The following PTPRG variants were observed in gnomAD, a reference collection of about 807,000 sequenced individuals.
PTPRG encodes the protein receptor-type tyrosine-protein phosphatase gamma.
A neutral mutation model predicts 165.3 loss-of-function variants in PTPRG; 102 were observed. That is an observed-to-expected ratio of 0.62 (90% confidence interval 0.53 to 0.73). The LOEUF (loss-of-function observed/expected upper bound fraction) is 0.73, where lower values mean the gene tolerates loss of function less well. Ranked by LOEUF, PTPRG falls within the 30% of genes least tolerant of loss-of-function variation. PTPRG has a pLI of 0.00. For synonymous variants in PTPRG, 675 were observed against 669.5 expected, an observed-to-expected ratio of 1.01 and a Z score of -0.13; for missense variants, 1,866 against 1,861.4, an observed-to-expected ratio of 1.00 and a Z score of -0.05.
intron 1 of PTPRG, among the ~76,000 whole-genome samples, chr3:61,644,323 G>A (rs1344403975): frequency 1.3e-5 from 2 of 152,142 alleles, no homozygotes; most frequent in Admixed American, 1.3e-4. Flanking sequence ...CTTCCCATAA[G>A]TAAAAATTGC....
intron 2 of PTPRG, among the ~76,000 whole-genome samples, chr3:61,900,038 A>G (rs181723271): frequency 6.6e-6 from 1 of 152,062 alleles, no homozygotes. Flanking sequence ...TCTGTTTTTT[A>G]AAAAATGTAA....
At chr3:61,949,222 T>C (rs1049709254) in intron 2 of PTPRG, among the ~76,000 whole-genome samples, 4 of 152,122 alleles carry the variant, frequency 2.6e-5, no homozygotes, top group Non-Finnish European at 5.9e-5. Context: ...CCAGGTGTGC[T>C]GGGGTATTTA....
At chr3:61,950,336 T>A (rs73098146) in intron 2 of PTPRG, among the ~76,000 whole-genome samples, 2,439 of 152,310 alleles carry the variant, frequency 0.016, 25 homozygotes, top group Non-Finnish European at 0.024. Flanking sequence ...CTCCAAATTG[T>A]CTTTTTCTGA....
chr3:62,047,953 C>G (rs909364116), intron 4 of PTPRG, among the ~76,000 whole-genome samples: 5 of 152,134 alleles, frequency 3.3e-5, no homozygotes, highest in Non-Finnish European at 5.9e-5. Context: ...GGATGCATAG[C>G]TAATTTCACT....
At chr3:61,785,999 C>T (rs1025879694) in intron 2 of PTPRG, among the ~76,000 whole-genome samples, 2 of 152,180 alleles carry the variant, frequency 1.3e-5, no homozygotes, top group Non-Finnish European at 1.5e-5. Context: ...CTGTAGTCCC[C>T]TCTCTAAACA....
chr3:62,033,299 TTC>T (rs1287563640), intron 4 of PTPRG, among the ~76,000 whole-genome samples: 1 of 152,056 alleles, frequency 6.6e-6, no homozygotes, highest in Non-Finnish European at 1.5e-5. Context: ...AGAGGAAGGC[TTC>T]TCTCTCTTCC....
intron 3 of PTPRG, among the ~76,000 whole-genome samples, chr3:61,995,530 C>G (rs1183513312): frequency 1.3e-5 from 2 of 151,734 alleles, no homozygotes; most frequent in African/African-American, 4.8e-5. Flanking sequence ...CTTTAGTAAT[C>G]AAGAGATTGG....
intron 2 of PTPRG, among the ~76,000 whole-genome samples, chr3:61,816,478 G>A (rs1239453711): frequency 1.3e-5 from 2 of 152,162 alleles, no homozygotes; most frequent in Non-Finnish European, 2.9e-5. Flanking sequence ...GTTGCAGTGA[G>A]CCAGGATTGC....
At chr3:61,767,166 C>A (rs1254243569) in intron 2 of PTPRG, among the ~76,000 whole-genome samples, 1 of 131,674 alleles carries the variant, frequency 7.6e-6, no homozygotes, top group African/African-American at 2.8e-5. Context: ...ATTCCTTGAA[C>A]CTGAGAGACA....
At chr3:61,883,976 G>A (rs528069294) in intron 2 of PTPRG, among the ~76,000 whole-genome samples, 5 of 152,232 alleles carry the variant, frequency 3.3e-5, no homozygotes, top group Admixed American at 2.6e-4. Context: ...TTGGCCTTCC[G>A]AAGTGTTGGG....
chr3:61,779,033 AAAT>A (rs1441097525), intron 2 of PTPRG, among the ~76,000 whole-genome samples: 5 of 152,140 alleles, frequency 3.3e-5, no homozygotes, highest in African/African-American at 4.8e-5. Context: ...GGATGATGAA[AAAT>A]AATCATTTCA....
At position 62,271,240 on chromosome 3, in the gene PTPRG, G is replaced by T; in HGVS notation, c.3010-143G>T. 1 of 628,190 alleles carries T rather than the reference G, an allele frequency of 1.6e-6. No homozygotes were observed. The highest frequency in any genetic ancestry group is 2.6e-6 in the Non-Finnish European group (1 of 380,644). The allele number at this position is 628,190 out of a possible 1,614,324, so 38.9% of individuals were successfully genotyped here. ...CTCCAATTTAATGGCATGAAAGTTG[G>T]CTACAAGGGGGAATAACCTAGCCTG... On this transcript the variant is annotated intron_variant, in intron 20 of 29. Coordinates refer to ENST00000474889, the MANE Select transcript of PTPRG (RefSeq NM_002841.4). This position sits in a 1 kb window ranked among gnomAD's most constrained non-coding sequence, Gnocchi z 4.1.
At chr3:61,579,455 A>C (rs942850060) in intron 1 of PTPRG, among the ~76,000 whole-genome samples, 2 of 152,204 alleles carry the variant, frequency 1.3e-5, no homozygotes, top group African/African-American at 2.4e-5. Context: ...TTTTTTGAGC[A>C]CCTACTGTGA....
At chr3:62,194,619 A>G (rs1234954656) in intron 9 of PTPRG, among the ~76,000 whole-genome samples, 1 of 152,144 alleles carries the variant, frequency 6.6e-6, no homozygotes, top group African/African-American at 2.4e-5. Context: ...CCTGGCCAAC[A>G]TGGCAAAACC....
intron 2 of PTPRG, among the ~76,000 whole-genome samples, chr3:61,780,127 T>C (rs1259154237): frequency 6.6e-6 from 1 of 152,230 alleles, no homozygotes; most frequent in African/African-American, 2.4e-5. Flanking sequence ...GGAAGTCACA[T>C]ATGAAACCCA....
At chr3:61,758,516 A>T (rs1443673840) in intron 2 of PTPRG, among the ~76,000 whole-genome samples, 1 of 152,080 alleles carries the variant, frequency 6.6e-6, no homozygotes, top group East Asian at 1.9e-4. Context: ...AAGTGGCACA[A>T]TCTTAGTTCA....
chr3:61,886,954 A>T (rs1318851159), intron 2 of PTPRG, among the ~76,000 whole-genome samples: 1 of 151,318 alleles, frequency 6.6e-6, no homozygotes, highest in Non-Finnish European at 1.5e-5. Context: ...GGACGAGGTC[A>T]AACAGCGCAC....
intron 5 of PTPRG, among the ~76,000 whole-genome samples, chr3:62,078,793 G>A (rs1035687552): frequency 6.6e-6 from 1 of 152,106 alleles, no homozygotes; most frequent in Non-Finnish European, 1.5e-5. Flanking sequence ...GTTGATGAAT[G>A]CTCATAACTC....
chr3:61,746,144 G>T (rs530939947), intron 1 of PTPRG, among the ~76,000 whole-genome samples: 14 of 147,766 alleles, frequency 9.5e-5, no homozygotes, highest in African/African-American at 3.3e-4. Context: ...CCTGGCTCAC[G>T]CTATCGTCCC....
Sources: allele counts gnomAD v4.1 joint callset (sites outside exome capture counted in the v4.1 genomes callset), GRCh38; gene constraint gnomAD v4.1.1; non-coding constraint Gnocchi (gnomAD v3.1); transcripts MANE v1.5; gene names NCBI Gene and HGNC (gene_info 2026-07-23, HGNC 2026-07-21).